The following POC5 variants were observed in gnomAD, a reference collection of about 807,000 sequenced individuals.
POC5 encodes the protein POC5 centriolar protein, also known as centrosomal protein POC5.
In POC5, 48 loss-of-function variants were observed where a neutral mutation model predicts 62.9. That is an observed-to-expected ratio of 0.76 (90% CI 0.61 to 0.97). POC5 has a LOEUF of 0.97. Ranked by LOEUF, POC5 falls within the 50% of genes least tolerant of loss-of-function variation. The pLI is 0.00. For missense variants in POC5, 696 were observed against 679.5 expected, an observed-to-expected ratio of 1.02 and a Z score of -0.27; for synonymous variants, 236 against 228.2, an observed-to-expected ratio of 1.03 and a Z score of -0.31.
chr5:75,700,915 G>A (rs1469434782), intron 5 of POC5, among the ~76,000 whole-genome samples: 1 of 136,282 alleles, frequency 7.3e-6, no homozygotes, highest in Non-Finnish European at 1.6e-5. Context: ...CAAAGGACAT[G>A]AACAGACACT....
At chr5:75,692,363 C>T (rs772619814) in intron 7 of POC5, 33 bp downstream of exon 7, 15 of 1,454,132 alleles carry the variant, frequency 1.0e-5, no homozygotes, top group Non-Finnish European at 1.3e-5. Context: ...AGAAGTCTAA[C>T]ATCCATCAGC....
At chr5:75,691,944 TC>T (rs1467895657) in intron 7 of POC5, among the ~76,000 whole-genome samples, 1 of 152,188 alleles carries the variant, frequency 6.6e-6, no homozygotes, top group Non-Finnish European at 1.5e-5. Flanking sequence ...TCTCTGACTC[TC>T]ACTCTAAGGC....
rs1270503351 is a variant in POC5 at position 75,698,109 on chromosome 5, AT to A, written c.514-3279del. Among the ~76,000 whole-genome samples the A allele has an allele frequency of 8.4e-4, 118 of 140,780 alleles. 2 individuals are homozygous for A. The highest frequency in any genetic ancestry group is 1.6e-4 in the Non-Finnish European group (10 of 63,092). The allele number at this position is 140,780 out of a possible 152,430, so 92.4% of individuals were successfully genotyped here. A position where few individuals can be genotyped will look rare whatever the true frequency, so the allele number is the denominator to read the frequency against. On this transcript the variant is annotated intron_variant, in intron 5 of 11. Transcript: ENST00000428202. ...TACAAAGAGACTTAGACTCCCACATATTAATAATGGGAGACTTTAACACCCC... is the reference window on the plus strand; with the variant it reads ...TACAAAGAGACTTAGACTCCCACATATAATAATGGGAGACTTTAACACCCC...
In POC5 at chr5:75,689,340, C is replaced by T. The variant is rs983851264; in HGVS notation, c.976-175G>A. The T allele has an allele frequency of 7.1e-6, 7 of 984,846 alleles. No homozygotes were observed. In the African/African-American group the frequency reaches 1.2e-4, roughly 17 times the overall value. 61.0% of individuals were successfully genotyped at this position (984,846 alleles called of 1,614,324 possible). A position where few individuals can be genotyped will look rare whatever the true frequency, so the allele number is the denominator to read the frequency against. ...AGGTACCTCTTACCTCTATTATCTC[C>T]ATCAACAAAATGCTTTCATTCCTAA... is the stretch of plus-strand genomic sequence containing the variant. On this transcript the variant is annotated intron_variant, in intron 8 of 11. Coordinates refer to ENST00000428202, the MANE Select transcript of POC5 (RefSeq NM_001099271.2).
Position 75,685,207 on chromosome 5 carries a change from C to T in POC5, c.1407G>A (p.Met469Ile). ...TGGGACCTGTATAAACTGTACTAACCATTTCTTCTGATGCAGCAGTAGCTG... is the reference window on the plus strand; with the variant it reads ...TGGGACCTGTATAAACTGTACTAACTATTTCTTCTGATGCAGCAGTAGCTG... ...GSAATAASEE[M>I]YVPRVVTSAQ... Residue 469 changes from methionine to isoleucine, a missense_variant and splice_region_variant, in exon 10 of 12, where the codon ATG becomes ATA. Coordinates refer to ENST00000428202, the MANE Select transcript of POC5 (RefSeq NM_001099271.2). 6.2e-7 allele frequency: 1 copy of T among 1,606,044 alleles called. No homozygotes were observed. The highest frequency in any genetic ancestry group is 8.5e-7 in the Non-Finnish European group (1 of 1,176,136).
At chr5:75,678,010 A>G (rs1387473269) in intron 10 of POC5, 60 bp from the exon 11 acceptor site, 16 of 1,310,764 alleles carry the variant, frequency 1.2e-5, no homozygotes, top group Non-Finnish European at 1.6e-5. Context: ...AGCAAAATCT[A>G]TTGATTCCAT....
chr5:75,674,640 A>G (rs1775584990), intron 11 of POC5, 62 bp from the exon 12 acceptor site: 4 of 1,517,152 alleles, frequency 2.6e-6, no homozygotes. Flanking sequence ...GTATCATTTC[A>G]TCATCTATCA....
chr5:75,685,700 A>G (rs904521256), intron 9 of POC5, among the ~76,000 whole-genome samples: 1 of 152,232 alleles, frequency 6.6e-6, no homozygotes, highest in African/African-American at 2.4e-5. Context: ...TTCCTTCCAC[A>G]TGTGAAAGCT....
At chr5:75,714,561 T>C (rs1368765828) in intron 1 of POC5, among the ~76,000 whole-genome samples, 1 of 152,064 alleles carries the variant, frequency 6.6e-6, no homozygotes, top group African/African-American at 2.4e-5. Context: ...AAATGATCAA[T>C]AATAGATCAA....
At chr5:75,692,304 A>G in intron 7 of POC5, 92 bp downstream of exon 7, 1 of 829,442 alleles carries the variant, frequency 1.2e-6, no homozygotes, top group Non-Finnish European at 1.8e-6. Context: ...ATTCATTTTG[A>G]CTTATTAGAA....
intron 2 of POC5, chr5:75,712,429 T>C: frequency 2.5e-6 from 4 of 1,612,870 alleles, no homozygotes; most frequent in Non-Finnish European, 2.5e-6. Context: ...TTGTACTGAA[T>C]GTTGTGACAA....
At chr5:75,703,332 T>C (rs577553798) in intron 4 of POC5, among the ~76,000 whole-genome samples, 1 of 152,266 alleles carries the variant, frequency 6.6e-6, no homozygotes, top group South Asian at 2.1e-4. Flanking sequence ...TTGGTTTTAA[T>C]ACTATTAAAA....
intron 1 of POC5, among the ~76,000 whole-genome samples, chr5:75,714,163 T>A (rs1396545608): frequency 6.6e-6 from 1 of 152,134 alleles, no homozygotes; most frequent in East Asian, 1.9e-4. Flanking sequence ...GTGGATCACC[T>A]GAGGTCAGGA....
chr5:75,704,953 A>C (rs1777057626), intron 4 of POC5, among the ~76,000 whole-genome samples: 1 of 152,204 alleles, frequency 6.6e-6, no homozygotes, highest in Non-Finnish European at 1.5e-5. Flanking sequence ...TAATCCCAGC[A>C]CTTTGGGAGG....
At chr5:75,706,948 A>T (rs1777146797) in intron 3 of POC5, among the ~76,000 whole-genome samples, 1 of 152,214 alleles carries the variant, frequency 6.6e-6, no homozygotes, top group South Asian at 2.1e-4. Flanking sequence ...AGAGAATGAG[A>T]GACAACAGAC....
chr5:75,687,881 T>A (rs1348009529), intron 9 of POC5, among the ~76,000 whole-genome samples: 1 of 152,190 alleles, frequency 6.6e-6, no homozygotes, highest in Non-Finnish European at 1.5e-5. Context: ...GACTATTCTA[T>A]CATTGAAGGT....
chr5:75,682,112 G>GAT (rs1775889685), intron 10 of POC5, among the ~76,000 whole-genome samples: 1 of 152,210 alleles, frequency 6.6e-6, no homozygotes, highest in Admixed American at 6.5e-5. Context: ...TGAAGAAGTG[G>GAT]ATATAGTGGG....
chr5:75,711,823 CTTTTGA>C (rs1254661865), intron 2 of POC5, among the ~76,000 whole-genome samples: 1 of 152,136 alleles, frequency 6.6e-6, no homozygotes, highest in Non-Finnish European at 1.5e-5. Context: ...GAGAGTTATT[CTTTTGA>C]TTTAAAGCTT....
At chr5:75,678,920 T>TA (rs1243517495) in intron 10 of POC5, among the ~76,000 whole-genome samples, 1 of 152,160 alleles carries the variant, frequency 6.6e-6, no homozygotes, top group Non-Finnish European at 1.5e-5. Flanking sequence ...AGCCGCCTGT[T>TA]TAAGTCTGAG....
Sources: allele counts gnomAD v4.1 joint callset (sites outside exome capture counted in the v4.1 genomes callset), GRCh38; gene constraint gnomAD v4.1.1; transcripts MANE v1.5; gene names NCBI Gene and HGNC (gene_info 2026-07-23, HGNC 2026-07-21).